TLL1: variants seen among roughly 807,000 people sequenced by gnomAD.
TLL1 encodes tolloid-like protein 1.
A neutral mutation model predicts 128.2 loss-of-function variants in TLL1; 49 were observed. That is an observed-to-expected ratio of 0.38 (90% CI 0.30 to 0.48). The LOEUF (loss-of-function observed/expected upper bound fraction) is 0.48, where lower values mean the gene tolerates loss of function less well. TLL1 is among the 20% of genes least tolerant of loss of function. The probability of loss-of-function intolerance (pLI) is 0.96; values close to 1 mark genes in which losing one functional copy is unlikely to be tolerated. For missense variants in TLL1, 1,123 were observed against 1,242.0 expected (o/e 0.90, Z 1.44); for synonymous variants, 454 against 418.8 (o/e 1.08, Z -1.03).
At chr4:165,889,505 A>G (rs1212493753) in intron 1 of TLL1, among the ~76,000 whole-genome samples, 2 of 152,234 alleles carry the variant, frequency 1.3e-5, no homozygotes, top group African/African-American at 4.8e-5. Context: ...AGAACATCCA[A>G]ATGTAACTCA....
At chr4:165,905,761 T>A (rs564528687) in intron 1 of TLL1, among the ~76,000 whole-genome samples, 1 of 152,332 alleles carries the variant, frequency 6.6e-6, no homozygotes, top group African/African-American at 2.4e-5. Flanking sequence ...ATGTTGGAAC[T>A]GGTTAGGATT....
intron 2 of TLL1, among the ~76,000 whole-genome samples, chr4:165,990,048 T>A (rs192862621): frequency 2.1e-3 from 316 of 152,018 alleles, no homozygotes; most frequent in African/African-American, 7.4e-3. Context: ...TCTATATAAT[T>A]TTTGTAAAAA....
Position 165,994,511 on chromosome 4 carries a change from T to C in TLL1, c.492T>C (p.Tyr164=), listed in dbSNP as rs760896745. Residue 164 remains tyrosine (Y), a synonymous_variant, in exon 4 of 21, where the codon TAT becomes TAC. Coordinates refer to ENST00000061240, the MANE Select transcript of TLL1 (RefSeq NM_012464.5). ...TATGGCCTGGAGGCGTTATTCCTTATGTTATAGGAGGAAACTTCACTGGTA... is the reference window on the plus strand; with the variant it reads ...TATGGCCTGGAGGCGTTATTCCTTACGTTATAGGAGGAAACTTCACTGGTA... ...ERIWPGGVIP[Y]VIGGNFTGSQ... 2 of 1,614,004 alleles carry C rather than the reference T, an allele frequency of 1.2e-6. No individual in the cohort carries two copies. Among genetic ancestry groups the C allele is most frequent in the South Asian group, 1.1e-5 (1 of 91,080 alleles).
intron 1 of TLL1, among the ~76,000 whole-genome samples, chr4:165,887,583 T>A (rs1054588702): frequency 6.6e-6 from 1 of 152,208 alleles, no homozygotes; most frequent in Admixed American, 6.5e-5. Flanking sequence ...CCCTTTGACT[T>A]GCATACAATC....
chr4:165,924,540 G>A (rs183178201), intron 1 of TLL1, among the ~76,000 whole-genome samples: 1 of 152,322 alleles, frequency 6.6e-6, no homozygotes, highest in Admixed American at 6.5e-5. Flanking sequence ...GCTAGCAGAG[G>A]TTAGCTCAGA....
At position 165,885,736 on chromosome 4, in the gene TLL1, G is replaced by C. The variant is rs117455393; in HGVS notation, c.169+11663G>C. On this transcript the variant is annotated intron_variant, in intron 1 of 20. Transcript: ENST00000061240. ...GGATGTTTTTTCACAGGAAAAAAAT[G>C]GATTGGTATATTGGGATGAGGGAAA... Among the ~76,000 whole-genome samples the C allele has an allele frequency of 2.5e-3, 375 of 152,234 alleles. 2 individuals are homozygous for C. In the East Asian group the frequency reaches 0.043, roughly 17 times the overall value.
chr4:165,976,667 C>T (rs1250212795), intron 1 of TLL1, among the ~76,000 whole-genome samples: 2 of 152,132 alleles, frequency 1.3e-5, no homozygotes, highest in Non-Finnish European at 2.9e-5. Flanking sequence ...TTGTTACCAA[C>T]ATAGTAGGAT....
Position 166,104,223 on chromosome 4 carries a change from T to C in TLL1, c.*3347T>C, listed in dbSNP as rs915269477. ...TAAAAGCATCAAATGACTAATTTTA[T>C]TTTTGCAAGGTTAAAATTTATTTTT... is the stretch of plus-strand genomic sequence containing the variant. On this transcript the variant is annotated 3_prime_UTR_variant, in exon 21 of 21. Transcript: ENST00000061240. Among the ~76,000 whole-genome samples the C allele has an allele frequency of 1.1e-4, 17 of 151,970 alleles. No individual in the cohort carries two copies. The highest frequency in any genetic ancestry group is 4.1e-4 in the African/African-American group (17 of 41,418).
chr4:166,014,789 A>G (rs1289040943), intron 8 of TLL1, among the ~76,000 whole-genome samples: 1 of 151,994 alleles, frequency 6.6e-6, no homozygotes, highest in Non-Finnish European at 1.5e-5. Flanking sequence ...GGGATAGTAT[A>G]TTTTATTTCT....
chr4:165,912,468 C>A (rs762880650), intron 1 of TLL1, among the ~76,000 whole-genome samples: 3 of 152,200 alleles, frequency 2.0e-5, no homozygotes, highest in South Asian at 2.1e-4. Flanking sequence ...AGCTCTCAAA[C>A]CTGCCAGAGT....
chr4:165,888,675 T>C (rs539342243), intron 1 of TLL1, among the ~76,000 whole-genome samples: 1 of 152,292 alleles, frequency 6.6e-6, no homozygotes, highest in East Asian at 1.9e-4. Flanking sequence ...ATTTTGGGTA[T>C]GGTTCTTGCT....
intron 12 of TLL1, among the ~76,000 whole-genome samples, chr4:166,045,179 C>G (rs1466558303): frequency 6.6e-6 from 1 of 152,110 alleles, no homozygotes; most frequent in Non-Finnish European, 1.5e-5. Context: ...GTTTCCTGTC[C>G]TATCTTCATA....
At chr4:166,039,290 G>T (rs1739137173) in intron 9 of TLL1, 49 bp from the exon 10 acceptor site, 1 of 1,300,836 alleles carries the variant, frequency 7.7e-7, no homozygotes, top group Non-Finnish European at 1.1e-6. Context: ...ATCACTATAT[G>T]TAGATACAAT....
rs183591585 is a variant in TLL1 at position 166,067,553 on chromosome 4, C to G, written c.2188+1690C>G. Among the ~76,000 whole-genome samples the G allele has an allele frequency of 1.2e-3, 180 of 151,726 alleles. 1 individual carries two copies. Among genetic ancestry groups the G allele is most frequent in the African/African-American group, 3.8e-3 (156 of 41,454 alleles). On this transcript the variant is annotated intron_variant, in intron 16 of 20. Transcript: ENST00000061240. Reference sequence around the variant, plus strand: ...GTGCTTTGTAAAAGTAACTGAGCACCTTGGTAGTACTTGAGCCAATAACAG... The same window carrying G: ...GTGCTTTGTAAAAGTAACTGAGCACGTTGGTAGTACTTGAGCCAATAACAG...
At chr4:165,985,515 G>T (rs76427489) in intron 1 of TLL1, among the ~76,000 whole-genome samples, 1 of 151,902 alleles carries the variant, frequency 6.6e-6, no homozygotes, top group Non-Finnish European at 1.5e-5. Context: ...AAAAATACAT[G>T]GTGTTTGTGT....
intron 12 of TLL1, chr4:166,044,441 C>A (rs901520474): frequency 2.0e-5 from 31 of 1,534,916 alleles, no homozygotes; most frequent in Non-Finnish European, 2.6e-5. Flanking sequence ...CCTGTAAATT[C>A]TATTTCTTCA....
chr4:166,099,854 C>A (rs774340940), intron 20 of TLL1, among the ~76,000 whole-genome samples: 27 of 152,012 alleles, frequency 1.8e-4, no homozygotes, highest in Non-Finnish European at 3.5e-4. Flanking sequence ...ACACACACAC[C>A]ATAGACAATT....
chr4:166,039,801 G>T (rs866055315), intron 10 of TLL1, among the ~76,000 whole-genome samples: 1 of 152,086 alleles, frequency 6.6e-6, no homozygotes, highest in African/African-American at 2.4e-5. Context: ...GGGTGTTCAT[G>T]TTGTGTGTTT....
chr4:165,959,304 G>A (rs887921776), intron 1 of TLL1, among the ~76,000 whole-genome samples: 2 of 152,152 alleles, frequency 1.3e-5, no homozygotes, highest in African/African-American at 4.8e-5. Flanking sequence ...ACCTTGGGCA[G>A]TATGGCCATT....
Sources: allele counts gnomAD v4.1 joint callset (sites outside exome capture counted in the v4.1 genomes callset), GRCh38; gene constraint gnomAD v4.1.1; transcripts MANE v1.5; gene names NCBI Gene and HGNC (gene_info 2026-07-23, HGNC 2026-07-21).